SNTG1: variants seen among roughly 807,000 people sequenced by gnomAD.
SNTG1 encodes syntrophin gamma 1.
A neutral mutation model predicts 74.7 loss-of-function variants in SNTG1; 39 were observed. The ratio of observed to expected loss-of-function variants is 0.52; its 90% CI spans 0.40 to 0.68. SNTG1 has a LOEUF of 0.68. SNTG1 is among the 30% of genes least tolerant of loss of function. The pLI, the probability that SNTG1 is intolerant of heterozygous loss-of-function variation, is 0.00. For missense variants in SNTG1, 685 were observed against 609.5 expected (o/e 1.12, Z -1.30); for synonymous variants, 254 against 217.1 (o/e 1.17, Z -1.49).
intron 13 of SNTG1, among the ~76,000 whole-genome samples, chr8:50,606,012 G>T (rs917788166): frequency 6.6e-6 from 1 of 152,116 alleles, no homozygotes; most frequent in Non-Finnish European, 1.5e-5. Flanking sequence ...ATGTGTATTT[G>T]AATTTCCTTT....
chr8:50,294,924 GACA>G (rs1481922112), intron 2 of SNTG1, among the ~76,000 whole-genome samples: 1 of 152,116 alleles, frequency 6.6e-6, no homozygotes, highest in African/African-American at 2.4e-5. Flanking sequence ...ACCAGAGCCG[GACA>G]ACGAGCACTA....
intron 5 of SNTG1, among the ~76,000 whole-genome samples, chr8:50,448,866 C>T (rs1010960139): frequency 2.0e-5 from 3 of 147,720 alleles, no homozygotes; most frequent in African/African-American, 7.3e-5. Flanking sequence ...AACCCCGTCT[C>T]TACTAAAAAT....
At chr8:50,015,123 A>G (rs888423760) in intron 1 of SNTG1, among the ~76,000 whole-genome samples, 2 of 152,046 alleles carry the variant, frequency 1.3e-5, no homozygotes, top group African/African-American at 2.4e-5. Flanking sequence ...GAGGGAAACC[A>G]TGTTGAAATA....
At chr8:50,658,266 AAAAAT>A (rs2095196174) in intron 14 of SNTG1, among the ~76,000 whole-genome samples, 2 of 152,144 alleles carry the variant, frequency 1.3e-5, no homozygotes, top group African/African-American at 4.8e-5. Flanking sequence ...AAATTAAAAA[AAAAAT>A]ATGAGTGTGG....
chr8:50,480,635 A>G (rs185598571), intron 8 of SNTG1, among the ~76,000 whole-genome samples: 71 of 152,332 alleles, frequency 4.7e-4, no homozygotes, highest in Admixed American at 2.1e-3. Flanking sequence ...TCCACCACAC[A>G]TTAGTAATCT....
intron 18 of SNTG1, among the ~76,000 whole-genome samples, chr8:50,791,173 G>A (rs897970779): frequency 2.0e-5 from 3 of 151,850 alleles, no homozygotes; most frequent in Non-Finnish European, 2.9e-5. Flanking sequence ...GGGGTGAATG[G>A]AGGATTTCCA....
intron 12 of SNTG1, among the ~76,000 whole-genome samples, chr8:50,556,175 G>C (rs1459355632): frequency 6.6e-6 from 1 of 152,250 alleles, no homozygotes; most frequent in East Asian, 1.9e-4. Flanking sequence ...TACAATAGTT[G>C]TTAATATTTA....
At chr8:50,243,842 C>T (rs977932361) in intron 2 of SNTG1, among the ~76,000 whole-genome samples, 2 of 152,048 alleles carry the variant, frequency 1.3e-5, no homozygotes, top group African/African-American at 4.8e-5. Flanking sequence ...ATAGGAATAA[C>T]TGATATATTC....
intron 9 of SNTG1, among the ~76,000 whole-genome samples, chr8:50,509,579 T>G (rs1461294397): frequency 1.3e-5 from 2 of 152,144 alleles, no homozygotes; most frequent in Non-Finnish European, 2.9e-5. Flanking sequence ...GTTTGTATCC[T>G]CTTGTATTTC....
chr8:50,024,492 A>C (rs970570491), intron 1 of SNTG1, among the ~76,000 whole-genome samples: 1 of 152,120 alleles, frequency 6.6e-6, no homozygotes, highest in Non-Finnish European at 1.5e-5. Context: ...CATTACTCTC[A>C]ATACATTTTC....
chr8:50,524,664 A>G (rs1317893528), intron 9 of SNTG1, among the ~76,000 whole-genome samples: 1 of 145,274 alleles, frequency 6.9e-6, no homozygotes, highest in Non-Finnish European at 1.5e-5. Context: ...ATACAAATAA[A>G]CAGTACAGTA....
chr8:50,511,314 C>T (rs2094071917), intron 9 of SNTG1, among the ~76,000 whole-genome samples: 1 of 152,290 alleles, frequency 6.6e-6, no homozygotes, highest in South Asian at 2.1e-4. Flanking sequence ...TTTACATTTG[C>T]TGAGGAGTGC....
chr8:50,421,194 G>T (rs1033318570), intron 4 of SNTG1, among the ~76,000 whole-genome samples: 2 of 151,890 alleles, frequency 1.3e-5, no homozygotes, highest in Admixed American at 1.3e-4. Flanking sequence ...CCACAAGAAA[G>T]AATTCAGTGT....
chr8:50,744,235 T>C (rs2131674024), intron 17 of SNTG1, among the ~76,000 whole-genome samples: 1 of 152,042 alleles, frequency 6.6e-6, no homozygotes, highest in South Asian at 2.1e-4. Flanking sequence ...AATAGCAAAG[T>C]CACAGTATAC....
At chr8:50,185,450 G>A (rs2131740626) in intron 2 of SNTG1, among the ~76,000 whole-genome samples, 1 of 152,276 alleles carries the variant, frequency 6.6e-6, no homozygotes, top group East Asian at 1.9e-4. Flanking sequence ...TAATATACAT[G>A]TTGTGTTAAA....
intron 3 of SNTG1, among the ~76,000 whole-genome samples, chr8:50,398,577 C>T (rs1041830487): frequency 4.6e-5 from 7 of 152,176 alleles, no homozygotes; most frequent in Non-Finnish European, 1.0e-4. Flanking sequence ...AATTCCCTTC[C>T]CCATGTTGCT....
At chr8:50,222,959 A>G (rs1262084833) in intron 2 of SNTG1, among the ~76,000 whole-genome samples, 1 of 152,192 alleles carries the variant, frequency 6.6e-6, no homozygotes, top group African/African-American at 2.4e-5. Context: ...GCAAGAAAAC[A>G]TGCCTGAAAA....
chr8:50,388,881 C>T (rs1429067327), intron 2 of SNTG1, among the ~76,000 whole-genome samples: 1 of 152,144 alleles, frequency 6.6e-6, no homozygotes, highest in Non-Finnish European at 1.5e-5. Flanking sequence ...AGCTAAAGCT[C>T]ACCACCACAA....
chr8:50,731,767 A>C (rs1353479137), intron 17 of SNTG1, among the ~76,000 whole-genome samples: 1 of 152,136 alleles, frequency 6.6e-6, no homozygotes, highest in Non-Finnish European at 1.5e-5. Flanking sequence ...CATAGTGTTT[A>C]TCAGAATCTT....
Sources: gnomAD v4.1 joint callset for allele counts (sites outside exome capture counted in the v4.1 genomes callset) on GRCh38, gnomAD v4.1.1 for gene constraint, MANE v1.5 for transcripts, NCBI Gene and HGNC (gene_info 2026-07-23, HGNC 2026-07-21) for gene names.